Variants in ADAMTS17 observed in about 807,000 individuals in gnomAD.
ADAMTS17 encodes A disintegrin and metalloproteinase with thrombospondin motifs 17.
In ADAMTS17, 113 loss-of-function variants were observed where a neutral mutation model predicts 141.5. That is an observed-to-expected ratio of 0.80 (90% CI 0.69 to 0.93). The LOEUF (loss-of-function observed/expected upper bound fraction) is 0.93, where lower values mean the gene tolerates loss of function less well. ADAMTS17 is among the 40% of genes least tolerant of loss of function. The probability of loss-of-function intolerance (pLI) is 0.00; values close to 1 mark genes in which losing one functional copy is unlikely to be tolerated. For synonymous variants in ADAMTS17, 768 were observed against 630.6 expected, an observed-to-expected ratio of 1.22 and a Z score of -3.27; for missense variants, 1,659 against 1,517.9, an observed-to-expected ratio of 1.09 and a Z score of -1.54.
chr15:100,107,727 T>C (rs530048425), intron 14 of ADAMTS17, among the ~76,000 whole-genome samples: 1 of 152,146 alleles, frequency 6.6e-6, no homozygotes, highest in African/African-American at 2.4e-5. Context: ...ACACTGTCTA[T>C]GATAAGCGAC....
At chr15:100,131,318 T>C (rs1453148502) in intron 12 of ADAMTS17, among the ~76,000 whole-genome samples, 10 of 141,480 alleles carry the variant, frequency 7.1e-5, no homozygotes, top group African/African-American at 5.3e-5. Context: ...TGTATACCTA[T>C]GGAACAAACC....
At chr15:100,259,595 TAGAC>T (rs1490599735) in intron 6 of ADAMTS17, among the ~76,000 whole-genome samples, 1 of 152,246 alleles carries the variant, frequency 6.6e-6, no homozygotes. Context: ...TCAGAATTAT[TAGAC>T]AGACTTTTTC....
intron 19 of ADAMTS17, among the ~76,000 whole-genome samples, chr15:99,995,054 G>A (rs753691574): frequency 1.6e-4 from 25 of 152,184 alleles, no homozygotes; most frequent in South Asian, 4.1e-4. Flanking sequence ...CCAGGGGTCC[G>A]TCCATGGTGG....
rs142391537 is a variant in ADAMTS17 at position 100,310,282 on chromosome 15, C to T, written c.616+20607G>A. ...AGCTGTGCCCGCTGTCGACCATCAG[C>T]CCCACACAGGGAGAGGAGGGGTAAT... On this transcript the variant is annotated intron_variant, in intron 3 of 21. Transcript: ENST00000268070. Among the ~76,000 whole-genome samples, 314 of 152,306 alleles carry T rather than the reference C, an allele frequency of 2.1e-3. 5 individuals are homozygous for T. The highest frequency in any genetic ancestry group is 7.1e-3 in the African/African-American group (297 of 41,552).
intron 7 of ADAMTS17, among the ~76,000 whole-genome samples, chr15:100,209,542 G>GC (rs1435807534): frequency 6.6e-6 from 1 of 151,926 alleles, no homozygotes; most frequent in Non-Finnish European, 1.5e-5. Context: ...CCCAGGGGAA[G>GC]CCCTAGGACA....
At chr15:100,149,421 A>G (rs1289787857) in intron 10 of ADAMTS17, among the ~76,000 whole-genome samples, 1 of 152,202 alleles carries the variant, frequency 6.6e-6, no homozygotes, top group African/African-American at 2.4e-5. Context: ...TCCATAAACA[A>G]CCTTTTCCAC....
intron 7 of ADAMTS17, among the ~76,000 whole-genome samples, chr15:100,251,814 A>G (rs1198593867): frequency 6.6e-6 from 1 of 152,192 alleles, no homozygotes; most frequent in Non-Finnish European, 1.5e-5. Flanking sequence ...GGCGTCCTTT[A>G]TAAGGAGGAG....
At chr15:100,192,254 C>A (rs2040947284) in intron 8 of ADAMTS17, among the ~76,000 whole-genome samples, 1 of 152,186 alleles carries the variant, frequency 6.6e-6, no homozygotes, top group Non-Finnish European at 1.5e-5. Context: ...CAACCAATTA[C>A]CCTTCAGTAG....
chr15:99,995,938 T>C (rs2060792773), intron 19 of ADAMTS17, among the ~76,000 whole-genome samples: 1 of 152,216 alleles, frequency 6.6e-6, no homozygotes, highest in African/African-American at 2.4e-5. Flanking sequence ...CTTTAAATCT[T>C]GCTCCCATTG....
chr15:100,141,257 T>G (rs554195109), intron 10 of ADAMTS17, among the ~76,000 whole-genome samples: 2 of 152,312 alleles, frequency 1.3e-5, no homozygotes, highest in South Asian at 2.1e-4. Flanking sequence ...TTTGAGCTGC[T>G]CAGATGGCAC....
At position 99,972,558 on chromosome 15, in the gene ADAMTS17, A is replaced by T. The variant is rs1344648970; in HGVS notation, c.*1844T>A. 1 of 152,034 alleles carries T rather than the reference A, an allele frequency of 6.6e-6. No homozygotes were observed. 9.4% of individuals were successfully genotyped at this position (152,034 alleles called of 1,614,324 possible). The stretch of plus-strand genomic sequence containing the variant: ...GAACCTCAGCGCCCCCAAAATTTTG[A>T]GGGCTTTGTGAAAATGGGAATTCAT... On this transcript the variant is annotated 3_prime_UTR_variant, in exon 22 of 22. Transcript: ENST00000268070.
At position 99,998,688 on chromosome 15, in the gene ADAMTS17, C is replaced by T. The variant is rs556031223; in HGVS notation, c.2592-1099G>A. 8.5e-4 allele frequency among the ~76,000 whole-genome samples: 130 copies of T among 152,338 alleles called. 1 individual carries two copies. The highest frequency in any genetic ancestry group is 3.1e-3 in the African/African-American group (129 of 41,582). On this transcript the variant is annotated intron_variant, in intron 18 of 21. Coordinates refer to ENST00000268070, the MANE Select transcript of ADAMTS17 (RefSeq NM_139057.4). ...ATGCATTAGGCATCTCTGTTGGCCTCAGGGCGCTGGAAAGCAGCTGAGCAG... is the reference window on the plus strand; with the variant it reads ...ATGCATTAGGCATCTCTGTTGGCCTTAGGGCGCTGGAAAGCAGCTGAGCAG...
At chr15:100,105,440 G>C (rs1002157135) in intron 14 of ADAMTS17, among the ~76,000 whole-genome samples, 1 of 152,304 alleles carries the variant, frequency 6.6e-6, no homozygotes, top group Non-Finnish European at 1.5e-5. Context: ...GCTGGTCCTG[G>C]GGATGGAGTG....
chr15:100,184,005 TAC>T (rs1380124760), intron 8 of ADAMTS17, among the ~76,000 whole-genome samples: 1 of 152,070 alleles, frequency 6.6e-6, no homozygotes, highest in Admixed American at 6.5e-5. Flanking sequence ...AGCTTCTGGG[TAC>T]AGAGACAGCA....
At chr15:100,121,541 A>G (rs1023536359) in intron 12 of ADAMTS17, among the ~76,000 whole-genome samples, 7 of 152,190 alleles carry the variant, frequency 4.6e-5, no homozygotes, top group Non-Finnish European at 1.0e-4. Context: ...GTGTGCTTAT[A>G]TACTTAAAGT....
intron 7 of ADAMTS17, among the ~76,000 whole-genome samples, chr15:100,217,518 G>A (rs1005218660): frequency 6.6e-6 from 1 of 152,120 alleles, no homozygotes; most frequent in South Asian, 2.1e-4. Context: ...AGAATCGCTT[G>A]AATCCGGGAG....
chr15:100,197,542 C>T (rs773500424), intron 8 of ADAMTS17, among the ~76,000 whole-genome samples: 2 of 152,062 alleles, frequency 1.3e-5, no homozygotes, highest in Non-Finnish European at 2.9e-5. Context: ...TGCAATTGAA[C>T]TTCATTTAAA....
intron 20 of ADAMTS17, among the ~76,000 whole-genome samples, chr15:99,982,862 C>T (rs991201120): frequency 3.3e-5 from 5 of 152,136 alleles, no homozygotes; most frequent in Admixed American, 2.6e-4. Flanking sequence ...AGCTGGCTGC[C>T]CGGTGGAGAG....
chr15:100,063,742 C>T (rs1048789280), intron 15 of ADAMTS17: 14 of 1,290,082 alleles, frequency 1.1e-5, no homozygotes, highest in Admixed American at 4.6e-5. Flanking sequence ...GCAGGAATGA[C>T]GGCAGCTTCG....
Sources: gnomAD v4.1 joint callset for allele counts (sites outside exome capture counted in the v4.1 genomes callset) on GRCh38, gnomAD v4.1.1 for gene constraint, MANE v1.5 for transcripts, NCBI Gene and HGNC (gene_info 2026-07-23, HGNC 2026-07-21) for gene names.